HERC2: variants seen among roughly 807,000 people sequenced by gnomAD.
HERC2 encodes the protein HECT and RLD domain containing E3 ubiquitin protein ligase 2.
In HERC2, 102 loss-of-function variants were observed where a neutral mutation model predicts 537.7. The observed-to-expected ratio is 0.19, with a 90% CI of 0.16 to 0.22. HERC2 has a LOEUF of 0.22. Among genes scored for constraint, HERC2 ranks in the 10% least tolerant of loss-of-function variants. The pLI is 1.00. For synonymous variants in HERC2, 2,224 were observed against 2,466.2 expected, an observed-to-expected ratio of 0.90 and a Z score of 2.91; for missense variants, 4,236 against 6,198.2, an observed-to-expected ratio of 0.68 and a Z score of 10.63.
intron 9 of HERC2, among the ~76,000 whole-genome samples, chr15:28,271,587 T>C (rs1025066709): frequency 6.6e-5 from 10 of 151,746 alleles, no homozygotes; most frequent in African/African-American, 2.4e-4. Context: ...GACAATGGTG[T>C]GAACCCAGGA....
intron 4 of HERC2, among the ~76,000 whole-genome samples, chr15:28,288,628 C>G (rs2076225915): frequency 6.6e-6 from 1 of 151,018 alleles, no homozygotes; most frequent in Admixed American, 6.6e-5. Context: ...CGTGGATCAC[C>G]TAAGGTCAGG....
chr15:28,190,660 G>C, intron 55 of HERC2: 1 of 372,824 alleles, frequency 2.7e-6, no homozygotes, highest in South Asian at 5.3e-5. Context: ...GAAAACCGAA[G>C]TGTTCAGATG....
chr15:28,236,461 T>C (rs1372930373), intron 26 of HERC2, among the ~76,000 whole-genome samples: 1 of 151,816 alleles, frequency 6.6e-6, no homozygotes, highest in Non-Finnish European at 1.5e-5. Flanking sequence ...CAGCTAATTT[T>C]TGCATTTTTA....
intron 89 of HERC2, 26 bp from the exon 90 acceptor site, chr15:28,114,828 T>C: frequency 6.2e-7 from 1 of 1,603,558 alleles, no homozygotes; most frequent in Non-Finnish European, 8.5e-7. Context: ...AGAAAGCCCA[T>C]GTGTCGACTC....
intron 38 of HERC2, among the ~76,000 whole-genome samples, chr15:28,217,340 C>A (rs1466573212): frequency 1.3e-5 from 2 of 152,172 alleles, no homozygotes; most frequent in Non-Finnish European, 2.9e-5. Context: ...TGGACACACA[C>A]CCACACAACC....
intron 44 of HERC2, among the ~76,000 whole-genome samples, chr15:28,210,127 A>AT (rs879879955): frequency 5.6e-5 from 8 of 141,648 alleles, no homozygotes; most frequent in Non-Finnish European, 1.1e-4. Flanking sequence ...ATGCCCCACT[A>AT]TTTTTTTTTA....
At position 28,268,123 on chromosome 15, in the gene HERC2, T is replaced by A. The variant is rs1465953672; in HGVS notation, c.1598+342A>T. 1.3e-5 allele frequency among the ~76,000 whole-genome samples: 2 copies of A among 152,224 alleles called. No homozygotes were observed. The highest frequency in any genetic ancestry group is 2.9e-5 in the Non-Finnish European group (2 of 68,044). On this transcript the variant is annotated intron_variant, in intron 12 of 92. Coordinates refer to ENST00000261609, the MANE Select transcript of HERC2 (RefSeq NM_004667.6). The surrounding 1 kb of genome is among the most constrained non-coding windows in gnomAD (Gnocchi z 4.7). ...GTTCAAGAAAAGGGTGACAACCTTA[T>A]CTATGAGAGACAGGGTGAACTGTTT...
intron 2 of HERC2, among the ~76,000 whole-genome samples, chr15:28,315,374 G>A (rs190366987): frequency 1.3e-5 from 2 of 152,378 alleles, no homozygotes; most frequent in Admixed American, 6.5e-5. Context: ...GACTGGAGCC[G>A]AAGGGCGGCT....
intron 55 of HERC2, among the ~76,000 whole-genome samples, chr15:28,189,661 G>A (rs999422981): frequency 6.6e-6 from 1 of 152,108 alleles, no homozygotes; most frequent in African/African-American, 2.4e-5. Flanking sequence ...CTAAAAGAGA[G>A]GATTTTAAAT....
Position 28,220,486 on chromosome 15 carries a change from G to A in HERC2, c.5811C>T (p.Pro1937=). The part of the protein sequence containing the change: ...KLAELPAAAQ[P]SAEDSDTEDD... Reference sequence around the variant, plus strand: ...CCTCTGTGTCCGAATCCTCTGCTGAGGGCTGTGCAGCAGCCGGCAGCTCTG... The same window carrying A: ...CCTCTGTGTCCGAATCCTCTGCTGAAGGCTGTGCAGCAGCCGGCAGCTCTG... Residue 1937 remains proline, a synonymous_variant, in exon 37 of 93, where the codon CCC becomes CCT. Coordinates refer to ENST00000261609, the MANE Select transcript of HERC2 (RefSeq NM_004667.6). The A allele has an allele frequency of 6.2e-7, 1 of 1,605,532 alleles. No individual in the cohort carries two copies. The highest frequency in any genetic ancestry group is 1.1e-5 in the South Asian group (1 of 90,996).
Position 28,113,281 on chromosome 15 carries a change from C to A in HERC2, c.14022G>T (p.Val4674=). The A allele has an allele frequency of 6.2e-7, 1 of 1,613,988 alleles. No homozygotes were observed. The highest frequency in any genetic ancestry group is 1.3e-5 in the African/African-American group (1 of 75,054). Residue 4674 remains valine (V), a splice_region_variant and synonymous_variant, in exon 92 of 93, where the codon GTG becomes GTT. Transcript: ENST00000261609. The surrounding 1 kb of genome is among the most constrained non-coding windows in gnomAD (Gnocchi z 7.0). ...GCAGCGGGATGTCAGGGCTGCCACACACCTGCGGGAGGATGTCTGTCAGGG... is the reference window on the plus strand; with the variant it reads ...GCAGCGGGATGTCAGGGCTGCCACAAACCTGCGGGAGGATGTCTGTCAGGG... The part of the protein sequence containing the change: ...LFTGYELETM[V]CGSPDIPLHL...
intron 55 of HERC2, among the ~76,000 whole-genome samples, chr15:28,189,021 G>A (rs572274708): frequency 5.6e-4 from 85 of 152,018 alleles, no homozygotes; most frequent in Non-Finnish European, 1.0e-3. Context: ...CCAGGATGTG[G>A]TGGTTGCGGT....
chr15:28,200,600 G>C (rs1897811276), intron 48 of HERC2, among the ~76,000 whole-genome samples: 1 of 152,308 alleles, frequency 6.6e-6, no homozygotes, highest in African/African-American at 2.4e-5. Flanking sequence ...GCTTGGAATA[G>C]ACGTCAAAGA....
intron 56 of HERC2, among the ~76,000 whole-genome samples, chr15:28,182,921 T>G (rs1365381347): frequency 1.3e-5 from 2 of 152,194 alleles, no homozygotes; most frequent in Admixed American, 1.3e-4. Flanking sequence ...GGGTCTGGCC[T>G]TGCAGCACTA....
At chr15:28,318,765 G>T (rs1473090837) in intron 2 of HERC2, among the ~76,000 whole-genome samples, 2 of 151,920 alleles carry the variant, frequency 1.3e-5, no homozygotes, top group Non-Finnish European at 1.5e-5. Context: ...CTATGATAAA[G>T]AAGTCAATAA....
At chr15:28,140,723 T>C (rs536986611) in intron 78 of HERC2, among the ~76,000 whole-genome samples, 3 of 151,738 alleles carry the variant, frequency 2.0e-5, no homozygotes, top group Non-Finnish European at 4.4e-5. Flanking sequence ...GGTTTTCCTA[T>C]GTTGGCCAGG....
Position 28,168,155 on chromosome 15 carries a change from A to G in HERC2, c.10413+252T>C, listed in dbSNP as rs534764330. On this transcript the variant is annotated intron_variant, in intron 67 of 92. Transcript: ENST00000261609. ...AATGTTACTAAAATTCTTGACTGTCAGAACTTTAAGGTTTCAGAATTGCAG... is the reference window on the plus strand; with the variant it reads ...AATGTTACTAAAATTCTTGACTGTCGGAACTTTAAGGTTTCAGAATTGCAG... 1.8e-4 allele frequency among the ~76,000 whole-genome samples: 27 copies of G among 152,358 alleles called. No individual in the cohort carries two copies. The South Asian group carries it at 5.6e-3, about 32-fold the overall frequency.
chr15:28,131,105 T>C (rs536461176), intron 81 of HERC2, among the ~76,000 whole-genome samples: 3 of 152,274 alleles, frequency 2.0e-5, no homozygotes, highest in East Asian at 1.9e-4. Context: ...ACCTCTGTGA[T>C]TGCTCTCATA....
chr15:28,151,054 A>G (rs1892397400), intron 70 of HERC2, among the ~76,000 whole-genome samples: 1 of 152,238 alleles, frequency 6.6e-6, no homozygotes, highest in East Asian at 1.9e-4. Context: ...TAGATGCAGT[A>G]TAATTATTTT....
Sources: gnomAD v4.1 joint callset for allele counts (sites outside exome capture counted in the v4.1 genomes callset) on GRCh38, gnomAD v4.1.1 for gene constraint, Gnocchi (gnomAD v3.1) non-coding constraint, MANE v1.5 for transcripts, NCBI Gene and HGNC (gene_info 2026-07-23, HGNC 2026-07-21) for gene names.